NACC2: variants seen among roughly 807,000 people sequenced by gnomAD.
The protein encoded by NACC2 is NACC family member 2, also known as nucleus accumbens-associated protein 2.
Under a neutral mutation model 25.1 loss-of-function variants are expected in NACC2, and 8 were observed. The observed-to-expected ratio is 0.32, with a 90% confidence interval of 0.19 to 0.57. NACC2 has a LOEUF of 0.57. NACC2 is among the 20% of genes least tolerant of loss of function. The pLI is 0.89. For synonymous variants in NACC2, 435 were observed against 294.7 expected (o/e 1.48, Z -4.88); for missense variants, 644 against 650.2 (o/e 0.99, Z 0.10).
At chr9:136,063,213 C>T (rs1179361161) in intron 1 of NACC2, among the ~76,000 whole-genome samples, 2 of 152,154 alleles carry the variant, frequency 1.3e-5, no homozygotes, top group Admixed American at 6.5e-5. Flanking sequence ...GAGCAGCTCC[C>T]GGGACCCCTG....
intron 1 of NACC2, among the ~76,000 whole-genome samples, chr9:136,081,686 G>GC (rs1464692450): frequency 6.6e-6 from 1 of 152,174 alleles, no homozygotes; most frequent in African/African-American, 2.4e-5. Flanking sequence ...GGCAGCTGCG[G>GC]CCCCCAGGCC....
Position 136,049,914 on chromosome 9 carries a change from A to C in NACC2, c.608T>G (p.Val203Gly), listed in dbSNP as rs1840791679. 7.0e-6 allele frequency: 4 copies of C among 569,640 alleles called. No individual in the cohort carries two copies. In the East Asian group the frequency reaches 9.7e-5, roughly 14 times the overall value. 35.3% of individuals were successfully genotyped at this position (569,640 alleles called of 1,614,324 possible). The part of the protein sequence containing the change: ...LETGPRDGVA[V>G]AAGAAVAAGT... ...CGCCGCCACCGCAGCCCCCGCGGCC[A>C]CCGCCACGCCGTCCCGGGGCCCCGT... is the stretch of plus-strand genomic sequence containing the variant. Residue 203 changes from valine (V) to glycine (G), a missense_variant, in exon 2 of 6, where the codon GTG becomes GGG. Coordinates refer to ENST00000277554, the MANE Select transcript of NACC2 (RefSeq NM_144653.5).
intron 1 of NACC2, among the ~76,000 whole-genome samples, chr9:136,071,222 G>C (rs1841147335): frequency 6.6e-6 from 1 of 151,264 alleles, no homozygotes; most frequent in Non-Finnish European, 1.5e-5. Flanking sequence ...GGGAGACAGA[G>C]CAAGACTACG....
chr9:136,067,775 C>T (rs143236878), intron 1 of NACC2, among the ~76,000 whole-genome samples: 88 of 152,310 alleles, frequency 5.8e-4, no homozygotes, highest in African/African-American at 1.9e-3. Flanking sequence ...GCGGAGGTTG[C>T]GGTGAGCCGA....
chr9:136,016,002 T>C (rs1840196281), intron 3 of NACC2, among the ~76,000 whole-genome samples: 1 of 152,104 alleles, frequency 6.6e-6, no homozygotes, highest in Non-Finnish European at 1.5e-5. Flanking sequence ...GTTTTATCTG[T>C]GACCTAAATT....
At chr9:136,032,432 G>C (rs181905092) in intron 2 of NACC2, among the ~76,000 whole-genome samples, 1 of 152,212 alleles carries the variant, frequency 6.6e-6, no homozygotes, top group African/African-American at 2.4e-5. Context: ...TCCTTAATCT[G>C]ATAAAATGTA....
chr9:136,094,208 A>T (rs921796797), intron 1 of NACC2, among the ~76,000 whole-genome samples: 1 of 152,220 alleles, frequency 6.6e-6, no homozygotes, highest in African/African-American at 2.4e-5. Context: ...GCCCACCAGC[A>T]CGTGGGTGAA....
chr9:136,081,356 C>T (rs776779291), intron 1 of NACC2, among the ~76,000 whole-genome samples: 3 of 152,166 alleles, frequency 2.0e-5, no homozygotes, highest in Non-Finnish European at 2.9e-5. Context: ...GCCAGCCACC[C>T]GCTGGGCTCC....
intron 1 of NACC2, among the ~76,000 whole-genome samples, chr9:136,078,352 G>A (rs76465012): frequency 2.0e-5 from 3 of 152,138 alleles, no homozygotes; most frequent in Non-Finnish European, 2.9e-5. Context: ...GGCACATCTG[G>A]GGGCAGGTTC....
chr9:136,013,260 G>A lies in NACC2; in HGVS notation c.1194C>T (p.Arg398=), dbSNP rs758971834. ...TLANSCGTGI[R]SSTSDPSRKP... The stretch of plus-strand genomic sequence containing the variant: ...TCCGGCTGGGGTCGCTGGTGGACGA[G>A]CGGATGCCAGTCCCGCAGCTGTTGG... The change falls in exon 5 of 6, where the codon CGC becomes CGT. Residue 398 remains arginine (R), a synonymous_variant. Coordinates refer to ENST00000277554, the MANE Select transcript of NACC2 (RefSeq NM_144653.5). The surrounding 1 kb of genome is among the most constrained non-coding windows in gnomAD (Gnocchi z 6.6). The A allele has an allele frequency of 2.5e-6, 4 of 1,612,304 alleles. No individual in the cohort carries two copies. The African/African-American group carries it at 5.3e-5, about 22-fold the overall frequency.
At chr9:136,039,166 G>A (rs1438442761) in intron 2 of NACC2, among the ~76,000 whole-genome samples, 1 of 152,178 alleles carries the variant, frequency 6.6e-6, no homozygotes, top group Non-Finnish European at 1.5e-5. Flanking sequence ...TAAGAAAGCT[G>A]AAGTGCTATG....
Position 136,022,509 on chromosome 9 carries a change from C to T in NACC2, c.887-6080G>A, listed in dbSNP as rs996845529. On this transcript the variant is annotated intron_variant, in intron 2 of 5. Coordinates refer to ENST00000277554, the MANE Select transcript of NACC2 (RefSeq NM_144653.5). This position sits in a 1 kb window ranked among gnomAD's most constrained non-coding sequence, Gnocchi z 4.4. Reference sequence around the variant, plus strand: ...GGCATTTAGTGTGGTCACTGCAGCTCGGGGAGACCTGCCTTCCCTGCTGTT... The same window carrying T: ...GGCATTTAGTGTGGTCACTGCAGCTTGGGGAGACCTGCCTTCCCTGCTGTT... Among the ~76,000 whole-genome samples the T allele has an allele frequency of 2.6e-5, 4 of 152,178 alleles. No homozygotes were observed. The highest frequency in any genetic ancestry group is 4.4e-5 in the Non-Finnish European group (3 of 68,008).
intron 1 of NACC2, among the ~76,000 whole-genome samples, chr9:136,071,157 TG>T (rs1345679534): frequency 1.3e-5 from 2 of 151,578 alleles, no homozygotes; most frequent in Admixed American, 6.6e-5. Flanking sequence ...CGCTTGAACC[TG>T]GGAGGCAGAC....
At chr9:136,042,847 GAC>G (rs973119432) in intron 2 of NACC2, among the ~76,000 whole-genome samples, 1 of 109,268 alleles carries the variant, frequency 9.2e-6, no homozygotes, top group Non-Finnish European at 1.9e-5. Flanking sequence ...GACACATACA[GAC>G]ACACACAGAG....
rs1007302382 is a variant in NACC2, at chr9:136,036,691, A to G, written c.886+12945T>C. 2.6e-5 allele frequency among the ~76,000 whole-genome samples: 4 copies of G among 152,238 alleles called. No individual in the cohort carries two copies. The South Asian group carries it at 6.2e-4, about 24-fold the overall frequency. On this transcript the variant is annotated intron_variant, in intron 2 of 5. Coordinates refer to ENST00000277554, the MANE Select transcript of NACC2 (RefSeq NM_144653.5). ...AGAACTTTAGAAAAGAAAGCCCTTG[A>G]GCATGAAGAAACCACAGCAGAGATT...
chr9:136,093,677 G>C (rs1427948777), intron 1 of NACC2, among the ~76,000 whole-genome samples: 3 of 152,220 alleles, frequency 2.0e-5, no homozygotes, highest in Non-Finnish European at 4.4e-5. Flanking sequence ...CTTGGACTCT[G>C]GCCCAGCTAC....
chr9:136,064,686 G>A (rs953113310), intron 1 of NACC2, among the ~76,000 whole-genome samples: 5 of 152,082 alleles, frequency 3.3e-5, no homozygotes, highest in Admixed American at 6.5e-5. Flanking sequence ...TCAAAATTCC[G>A]GTTAATTTCT....
chr9:136,045,396 T>C lies in NACC2; in HGVS notation c.886+4240A>G, dbSNP rs201966386. On this transcript the variant is annotated intron_variant, in intron 2 of 5. Coordinates refer to ENST00000277554, the MANE Select transcript of NACC2 (RefSeq NM_144653.5). ...CCCTGTGGCCAGAGCTGTCCCCTGC[T>C]GGGAAAGGGTTACCGTGGAAGTGTG... 4.4e-3 allele frequency among the ~76,000 whole-genome samples: 537 copies of C among 123,298 alleles called. 5 individuals are homozygous for C. The highest frequency in any genetic ancestry group is 3.6e-3 in the Non-Finnish European group (192 of 53,256). 80.9% of individuals were successfully genotyped at this position (123,298 alleles called of 152,430 possible). A position where few individuals can be genotyped will look rare whatever the true frequency, so the allele number is the denominator to read the frequency against.
intron 1 of NACC2, among the ~76,000 whole-genome samples, chr9:136,072,849 T>C (rs1376046228): frequency 9.4e-6 from 1 of 106,774 alleles, no homozygotes; most frequent in Non-Finnish European, 2.1e-5. Context: ...AAACTCCGTC[T>C]CAAATAAATA....
Sources: allele counts gnomAD v4.1 joint callset (sites outside exome capture counted in the v4.1 genomes callset), GRCh38; gene constraint gnomAD v4.1.1; non-coding constraint Gnocchi (gnomAD v3.1); transcripts MANE v1.5; gene names NCBI Gene and HGNC (gene_info 2026-07-23, HGNC 2026-07-21).